ANO5: variants seen among roughly 807,000 people sequenced by gnomAD.
ANO5 encodes the protein anoctamin 5.
A neutral mutation model predicts 121.0 loss-of-function variants in ANO5; 109 were observed. The observed-to-expected ratio is 0.90, with a 90% CI of 0.77 to 1.06. The LOEUF (loss-of-function observed/expected upper bound fraction) is 1.06, where lower values mean the gene tolerates loss of function less well. Among genes scored for constraint, ANO5 ranks in the 50% least tolerant of loss-of-function variants. The probability of loss-of-function intolerance (pLI) is 0.00; values close to 1 mark genes in which losing one functional copy is unlikely to be tolerated. For missense variants in ANO5, 1,064 were observed against 1,078.5 expected, an observed-to-expected ratio of 0.99 and a Z score of 0.19; for synonymous variants, 406 against 359.9, an observed-to-expected ratio of 1.13 and a Z score of -1.45.
intron 7 of ANO5, 127 bp from the exon 8 acceptor site, chr11:22,236,036 A>T: frequency 1.4e-6 from 1 of 695,442 alleles, no homozygotes; most frequent in Non-Finnish European, 2.6e-6. Flanking sequence ...CAACCAAGAG[A>T]AGCTTCTTTC....
In ANO5 at chr11:22,274,192, A is replaced by ACACACACACC. The variant is rs57239068; in HGVS notation, c.2236-376_2236-375insACACACACCC. ...CACACACACACACACACACACACAC[A>ACACACACACC]CCCGCAGTCCTACCTCATTGAGTTA... On this transcript the variant is annotated intron_variant, in intron 19 of 21. Coordinates refer to ENST00000324559, the MANE Select transcript of ANO5 (RefSeq NM_213599.3). 1.0e-3 allele frequency among the ~76,000 whole-genome samples: 146 copies of ACACACACACC among 146,354 alleles called. 1 individual carries two copies. Among genetic ancestry groups the ACACACACACC allele is most frequent in the African/African-American group, 3.7e-3 (138 of 37,218 alleles).
chr11:22,274,885 A>C, intron 20 of ANO5, 138 bp downstream of exon 20: 1 of 1,163,592 alleles, frequency 8.6e-7, no homozygotes, highest in Non-Finnish European at 1.2e-6. Flanking sequence ...AAGTGTATCC[A>C]TTCTAGAATT....
rs1350116611 is a variant in ANO5 at position 22,274,747 on chromosome 11, G to A, written c.2414G>A (p.Arg805Lys). The A allele has an allele frequency of 1.2e-6, 2 of 1,612,922 alleles. No individual in the cohort carries two copies. Among genetic ancestry groups the A allele is most frequent in the Non-Finnish European group, 1.7e-6 (2 of 1,179,424 alleles). Residue 805 changes from arginine to lysine, a missense_variant and splice_region_variant, in exon 20 of 22, where the codon AGG (arginine) becomes AAG (lysine). Transcript: ENST00000324559. ...GAAAAACGAGACTTCATCACTTGCAGGTGATTTGTTTGTTTGTTTGTTTAG... is the reference window on the plus strand; with the variant it reads ...GAAAAACGAGACTTCATCACTTGCAAGTGATTTGTTTGTTTGTTTGTTTAG... The part of the protein sequence containing the change: ...PSEKRDFITC[R>K]YRDYRYPPDD...
At chr11:22,238,278 GTT>G (rs377518041) in intron 8 of ANO5, among the ~76,000 whole-genome samples, 1 of 137,036 alleles carries the variant, frequency 7.3e-6, no homozygotes, top group African/African-American at 2.8e-5. Context: ...AGACCTCATA[GTT>G]TTTTTTTTTT....
chr11:22,199,535 T>C (rs1411813345), intron 1 of ANO5, among the ~76,000 whole-genome samples: 1 of 152,318 alleles, frequency 6.6e-6, no homozygotes, highest in East Asian at 1.9e-4. Flanking sequence ...AAGTCTTTCC[T>C]ATTTTATTAA....
chr11:22,252,938 C>T (rs181544696), intron 12 of ANO5, among the ~76,000 whole-genome samples: 7 of 152,232 alleles, frequency 4.6e-5, no homozygotes, highest in African/African-American at 1.4e-4. Context: ...TTTGAGTGTA[C>T]ATGCCTCCAT....
At chr11:22,226,447 A>G (rs1046595430) in intron 6 of ANO5, among the ~76,000 whole-genome samples, 1 of 152,160 alleles carries the variant, frequency 6.6e-6, no homozygotes, top group Non-Finnish European at 1.5e-5. Flanking sequence ...TTTTCTTTTT[A>G]AAGTCATTTT....
intron 14 of ANO5, among the ~76,000 whole-genome samples, chr11:22,258,010 G>A (rs541554802): frequency 1.4e-4 from 22 of 152,274 alleles, no homozygotes; most frequent in African/African-American, 4.6e-4. Flanking sequence ...ACGACACTTC[G>A]TTTAAGTGAT....
chr11:22,273,075 A>G, intron 19 of ANO5, 86 bp downstream of exon 19: 1 of 1,325,948 alleles, frequency 7.5e-7, no homozygotes, highest in Non-Finnish European at 1.1e-6. Flanking sequence ...TCTTTACATG[A>G]TTTCATTATG....
At position 22,279,697 on chromosome 11, in the gene ANO5, T is replaced by G. The variant is rs1272883439; in HGVS notation, c.2674T>G (p.Ser892Ala). 6.2e-7 allele frequency: 1 copy of G among 1,612,848 alleles called. No individual in the cohort carries two copies. Among genetic ancestry groups the G allele is most frequent in the East Asian group, 2.2e-5 (1 of 44,834 alleles). Residue 892 changes from serine to alanine, a missense_variant, in exon 22 of 22, where the codon TCT (serine) becomes GCT (alanine). Ser to Ala is a moderately conservative substitution (Grantham distance 99). Transcript: ENST00000324559. ...ATTAAAAGAGAACTTGGGAATTAAT[T>G]CTAATGAATTTGCCAAGCATGTCAT... ...NKLKENLGINSNEFAKHVMIE... is the reference protein window; with the variant it reads ...NKLKENLGINANEFAKHVMIE...
At chr11:22,204,667 A>G (rs1168121677) in intron 2 of ANO5, among the ~76,000 whole-genome samples, 1 of 152,082 alleles carries the variant, frequency 6.6e-6, no homozygotes, top group Non-Finnish European at 1.5e-5. Flanking sequence ...ACTAGTCAGA[A>G]TGGCTATTGT....
chr11:22,254,919 T>A (rs1853944099), intron 12 of ANO5, among the ~76,000 whole-genome samples: 1 of 152,004 alleles, frequency 6.6e-6, no homozygotes, highest in African/African-American at 2.4e-5. Flanking sequence ...ATATGTAGTT[T>A]AAAAGAGAGA....
At position 22,280,021 on chromosome 11, in the gene ANO5, T is replaced by G; in HGVS notation, c.*256T>G. The stretch of plus-strand genomic sequence containing the variant: ...AGGTGCTGTAAATGACTGTTGAAAG[T>G]GCAGGTAGAATCAGAATACTGGGAA... On this transcript the variant is annotated 3_prime_UTR_variant, in exon 22 of 22. Coordinates refer to ENST00000324559, the MANE Select transcript of ANO5 (RefSeq NM_213599.3). The G allele has an allele frequency of 4.2e-6, 2 of 472,086 alleles. No individual in the cohort carries two copies. Among genetic ancestry groups the G allele is most frequent in the Admixed American group, 7.5e-5 (2 of 26,682 alleles). 29.2% of individuals were successfully genotyped at this position (472,086 alleles called of 1,614,324 possible).
intron 9 of ANO5, 131 bp downstream of exon 9, chr11:22,239,815 T>A: frequency 1.4e-6 from 1 of 701,842 alleles, no homozygotes; most frequent in Non-Finnish European, 2.5e-6. Flanking sequence ...ATATCTACAC[T>A]ATAAATTAGC....
intron 3 of ANO5, among the ~76,000 whole-genome samples, chr11:22,215,567 G>A (rs898393645): frequency 6.6e-6 from 1 of 151,856 alleles, no homozygotes; most frequent in African/African-American, 2.4e-5. Context: ...AGATTAATAT[G>A]TCCAAAATGT....
chr11:22,242,823 G>T lies in ANO5; in HGVS notation c.878+3139G>T, dbSNP rs539406631. On this transcript the variant is annotated intron_variant, in intron 9 of 21. Transcript: ENST00000324559. The stretch of plus-strand genomic sequence containing the variant: ...TTGGTGGAGTCTTTAGGGTTTTCTA[G>T]GTGTAGAATCATTTGGCAACAAAGA... 2.0e-5 allele frequency among the ~76,000 whole-genome samples: 3 copies of T among 152,116 alleles called. No individual in the cohort carries two copies. The East Asian group carries it at 5.8e-4, about 29-fold the overall frequency.
rs1268278031 is a variant in ANO5, at chr11:22,280,496, G to C, written c.*731G>C. On this transcript the variant is annotated 3_prime_UTR_variant, in exon 22 of 22. Coordinates refer to ENST00000324559, the MANE Select transcript of ANO5 (RefSeq NM_213599.3). ...ATCTGGAAAGCAACATTATGAAGCT[G>C]TTAGATTGCTTCAGGTTCTCAAGCA... 1 of 151,852 alleles carries C rather than the reference G, an allele frequency of 6.6e-6. No homozygotes were observed. The allele number at this position is 151,852 out of a possible 1,614,324, so 9.4% of individuals were successfully genotyped here.
intron 9 of ANO5, among the ~76,000 whole-genome samples, chr11:22,249,163 A>G (rs1853717631): frequency 6.6e-6 from 1 of 152,050 alleles, no homozygotes; most frequent in Non-Finnish European, 1.5e-5. Context: ...ATGAAAAAAG[A>G]CAGGATAAAC....
At chr11:22,257,984 C>T (rs1854059329) in intron 14 of ANO5, among the ~76,000 whole-genome samples, 2 of 152,070 alleles carry the variant, frequency 1.3e-5, no homozygotes, top group African/African-American at 4.8e-5. Context: ...TCTTAAAGCC[C>T]GTCCCTCCCT....
Sources: allele counts gnomAD v4.1 joint callset (sites outside exome capture counted in the v4.1 genomes callset), GRCh38; gene constraint gnomAD v4.1.1; transcripts MANE v1.5; gene names NCBI Gene and HGNC (gene_info 2026-07-23, HGNC 2026-07-21).